Variants in GRM3 observed in about 807,000 individuals in gnomAD.
GRM3 encodes glutamate metabotropic receptor 3, also known as metabotropic glutamate receptor 3.
GRM3 carries 26 observed loss-of-function variants against 70.5 expected under a neutral mutation model. The observed-to-expected ratio is 0.37, with a 90% CI of 0.27 to 0.51. The LOEUF (loss-of-function observed/expected upper bound fraction) is 0.51, where lower values mean the gene tolerates loss of function less well. Among genes scored for constraint, GRM3 ranks in the 20% least tolerant of loss-of-function variants. GRM3 has a pLI of 0.93. For synonymous variants in GRM3, 443 were observed against 434.9 expected, an observed-to-expected ratio of 1.02 and a Z score of -0.23; for missense variants, 859 against 1,123.8, an observed-to-expected ratio of 0.76 and a Z score of 3.37.
intron 4 of GRM3, among the ~76,000 whole-genome samples, chr7:86,849,552 GATGCCTAAAGTC>G (rs1198744461): frequency 1.8e-4 from 27 of 152,084 alleles, no homozygotes; most frequent in African/African-American, 6.0e-4. Context: ...ATGTTTTATA[GATGCCTAAAGTC>G]ATTTAGGACA....
Position 86,730,957 on chromosome 7 carries a change from T to C in GRM3, c.-140-34049T>C, listed in dbSNP as rs114186523. ...CCTTCTATGACTACCCTTTTTTGAA[T>C]GTCCCTGCTCTGTCTCCTAGCCCGG... On this transcript the variant is annotated intron_variant, in intron 1 of 5. Coordinates refer to ENST00000361669, the MANE Select transcript of GRM3 (RefSeq NM_000840.3). 3.9e-3 allele frequency among the ~76,000 whole-genome samples: 601 copies of C among 152,310 alleles called. 5 individuals carry two copies. The highest frequency in any genetic ancestry group is 0.014 in the African/African-American group (571 of 41,566).
chr7:86,789,374 T>C (rs1046769905), intron 3 of GRM3, among the ~76,000 whole-genome samples: 9 of 152,192 alleles, frequency 5.9e-5, no homozygotes, highest in African/African-American at 2.2e-4. Flanking sequence ...GAACTAACTA[T>C]AGTAATAGAA....
intron 2 of GRM3, among the ~76,000 whole-genome samples, chr7:86,767,625 C>T (rs182207792): frequency 8.1e-4 from 119 of 146,172 alleles, no homozygotes; most frequent in African/African-American, 2.9e-3. Flanking sequence ...TCATAATTTC[C>T]AGATGAATGC....
intron 3 of GRM3, among the ~76,000 whole-genome samples, chr7:86,836,099 T>C (rs1798451228): frequency 6.6e-6 from 1 of 152,080 alleles, no homozygotes; most frequent in South Asian, 2.1e-4. Flanking sequence ...TGTCAATTAT[T>C]AAAAAGATAA....
chr7:86,730,487 A>C (rs1472390426), intron 1 of GRM3, among the ~76,000 whole-genome samples: 1 of 152,222 alleles, frequency 6.6e-6, no homozygotes, highest in African/African-American at 2.4e-5. Flanking sequence ...AAAGGGCTTC[A>C]CTAGAAAGGG....
chr7:86,649,370 A>C (rs555170321), intron 1 of GRM3, among the ~76,000 whole-genome samples: 4 of 152,168 alleles, frequency 2.6e-5, no homozygotes, highest in Non-Finnish European at 5.9e-5. Flanking sequence ...ATCATATTGA[A>C]CAATCTTTTT....
intron 1 of GRM3, among the ~76,000 whole-genome samples, chr7:86,686,911 T>C (rs1794581441): frequency 6.6e-6 from 1 of 151,936 alleles, no homozygotes; most frequent in Non-Finnish European, 1.5e-5. Context: ...AACCTGAAAT[T>C]CATAAATGCA....
At chr7:86,785,479 T>A (rs1196287031) in intron 2 of GRM3, among the ~76,000 whole-genome samples, 1 of 151,040 alleles carries the variant, frequency 6.6e-6, no homozygotes, top group African/African-American at 2.5e-5. Flanking sequence ...GTAAGTGGTC[T>A]GTTCTTGACA....
At chr7:86,832,008 A>G (rs927475730) in intron 3 of GRM3, among the ~76,000 whole-genome samples, 1 of 152,124 alleles carries the variant, frequency 6.6e-6, no homozygotes, top group Non-Finnish European at 1.5e-5. Flanking sequence ...CTAATTACTG[A>G]CAGCCAGTGA....
At chr7:86,739,431 T>C (rs1795935604) in intron 1 of GRM3, among the ~76,000 whole-genome samples, 1 of 152,180 alleles carries the variant, frequency 6.6e-6, no homozygotes, top group African/African-American at 2.4e-5. Context: ...ATTCCACATA[T>C]GGGTAAGATC....
At chr7:86,648,834 A>G (rs919235663) in intron 1 of GRM3, among the ~76,000 whole-genome samples, 1 of 152,182 alleles carries the variant, frequency 6.6e-6, no homozygotes, top group Non-Finnish European at 1.5e-5. Flanking sequence ...ATATCTTGGT[A>G]GACTCACCAT....
intron 1 of GRM3, 74 bp downstream of exon 1, chr7:86,644,946 G>C (rs1427549173): frequency 2.6e-6 from 2 of 761,144 alleles, no homozygotes; most frequent in Non-Finnish European, 3.9e-6. Context: ...GTGCCGCGTG[G>C]GGCAGGCGCA....
intron 1 of GRM3, among the ~76,000 whole-genome samples, chr7:86,711,873 A>C (rs1000618685): frequency 1.3e-5 from 2 of 152,034 alleles, no homozygotes; most frequent in African/African-American, 4.8e-5. Flanking sequence ...CATCTCTTCT[A>C]TTAGGGTACA....
At chr7:86,849,046 T>C (rs1367163755) in intron 4 of GRM3, among the ~76,000 whole-genome samples, 2 of 152,162 alleles carry the variant, frequency 1.3e-5, no homozygotes, top group East Asian at 3.9e-4. Flanking sequence ...ACAGAAATGC[T>C]TTTAGAAAAG....
At chr7:86,721,673 A>G (rs574925709) in intron 1 of GRM3, among the ~76,000 whole-genome samples, 2 of 152,224 alleles carry the variant, frequency 1.3e-5, no homozygotes, top group South Asian at 4.1e-4. Flanking sequence ...AAGGGGTTAA[A>G]TGTTCACCAC....
At chr7:86,746,575 G>T (rs1796111173) in intron 1 of GRM3, among the ~76,000 whole-genome samples, 1 of 151,432 alleles carries the variant, frequency 6.6e-6, no homozygotes, top group Non-Finnish European at 1.5e-5. Context: ...AAAGCTCAGG[G>T]ACATTCAAAG....
chr7:86,722,256 AT>A (rs1795484545), intron 1 of GRM3, among the ~76,000 whole-genome samples: 1 of 152,150 alleles, frequency 6.6e-6, no homozygotes, highest in African/African-American at 2.4e-5. Flanking sequence ...TACTGGGTAT[AT>A]ACCCAAAGGA....
chr7:86,726,233 A>G (rs1457975646), intron 1 of GRM3, among the ~76,000 whole-genome samples: 1 of 152,208 alleles, frequency 6.6e-6, no homozygotes, highest in Non-Finnish European at 1.5e-5. Flanking sequence ...GTATATTCAC[A>G]GAGGTGTTGG....
chr7:86,753,802 T>C (rs2116369961), intron 1 of GRM3, among the ~76,000 whole-genome samples: 1 of 152,234 alleles, frequency 6.6e-6, no homozygotes, highest in Non-Finnish European at 1.5e-5. Flanking sequence ...GGTGTGCTGG[T>C]AAATATTTAA....
Sources: gnomAD v4.1 joint callset for allele counts (sites outside exome capture counted in the v4.1 genomes callset) on GRCh38, gnomAD v4.1.1 for gene constraint, MANE v1.5 for transcripts, NCBI Gene and HGNC (gene_info 2026-07-23, HGNC 2026-07-21) for gene names.